CASTOR2: variants seen among roughly 807,000 people sequenced by gnomAD.
CASTOR2 encodes cytosolic arginine sensor for mTORC1 subunit 2.
In CASTOR2, 8 loss-of-function variants were observed where a neutral mutation model predicts 31.2. The ratio of observed to expected loss-of-function variants is 0.26; its 90% CI spans 0.15 to 0.46. CASTOR2 has a LOEUF of 0.46. Among genes scored for constraint, CASTOR2 ranks in the 20% least tolerant of loss-of-function variants. The pLI is 0.99. For synonymous variants in CASTOR2, 162 were observed against 158.7 expected (o/e 1.02, Z -0.16); for missense variants, 216 against 382.1 (o/e 0.57, Z 3.62).
In CASTOR2 at chr7:74,987,856, G is replaced by A. The variant is rs1415900404; in HGVS notation, c.114-20138G>A. Among the ~76,000 whole-genome samples, 8 of 151,808 alleles carry A rather than the reference G, an allele frequency of 5.3e-5. No homozygotes were observed. The East Asian group carries it at 1.2e-3, about 22-fold the overall frequency. ...CCTGAGTAGCTGGGATTATAGACAC[G>A]CACCACACAGCTGGCCAATTTTTGT... On this transcript the variant is annotated intron_variant, in intron 1 of 8. Transcript: ENST00000616305.
intron 5 of CASTOR2, among the ~76,000 whole-genome samples, 161 bp downstream of exon 5, chr7:75,019,256 C>CACCTCAGA (rs1185957339): frequency 2.0e-4 from 31 of 152,208 alleles, no homozygotes; most frequent in Admixed American, 3.3e-4. Context: ...GACATGGACC[C>CACCTCAGA]ACCCTGGAAC....
chr7:74,976,829 TC>T (rs1803821208), intron 1 of CASTOR2, among the ~76,000 whole-genome samples: 1 of 135,098 alleles, frequency 7.4e-6, no homozygotes, highest in Non-Finnish European at 1.6e-5. Context: ...CACCCCCAGG[TC>T]CATGTCCAGG....
At chr7:75,007,119 G>A (rs2001264) in intron 1 of CASTOR2, among the ~76,000 whole-genome samples, 82,267 of 151,902 alleles carry the variant, frequency 0.54, 25,388 homozygotes, top group East Asian at 0.91. Flanking sequence ...TGCACACTTG[G>A]ACTTGCCATC....
intron 6 of CASTOR2, among the ~76,000 whole-genome samples, chr7:75,020,833 G>T (rs1292634185): frequency 6.6e-6 from 1 of 151,794 alleles, no homozygotes; most frequent in Non-Finnish European, 1.5e-5. Context: ...ATCTCTCTCT[G>T]TCACCCATGC....
rs879121750 is a variant in CASTOR2 at position 75,026,189 on chromosome 7, G to GTTTTTTTTTTTTTTTTTTTTTTTTTTT, written c.*1507_*1508insTTTTTTTTTTTTTTTTTTTTTTTTTTT. On this transcript the variant is annotated 3_prime_UTR_variant, in exon 9 of 9. Coordinates refer to ENST00000616305, the MANE Select transcript of CASTOR2 (RefSeq NM_001145064.3). ...CCCTGTGGTTTTGGCTCTGGCGGGG[G>GTTTTTTTTTTTTTTTTTTTTTTTTTTT]TTTTTTTTTTTTTTTTTGAGATGGG... Among the ~76,000 whole-genome samples, 8 of 117,710 alleles carry GTTTTTTTTTTTTTTTTTTTTTTTTTTT rather than the reference G, an allele frequency of 6.8e-5. 1 individual carries two copies. Among genetic ancestry groups the GTTTTTTTTTTTTTTTTTTTTTTTTTTT allele is most frequent in the African/African-American group, 9.7e-5 (3 of 30,794 alleles). 77.2% of individuals were successfully genotyped at this position (117,710 alleles called of 152,430 possible).
At chr7:75,008,866 C>T (rs1162484221) in intron 2 of CASTOR2, among the ~76,000 whole-genome samples, 2 of 152,126 alleles carry the variant, frequency 1.3e-5, no homozygotes, top group African/African-American at 2.4e-5. Context: ...GGGAGGATTG[C>T]TTAAACCCAG....
At chr7:74,988,277 C>T (rs1221588328) in intron 1 of CASTOR2, among the ~76,000 whole-genome samples, 4 of 150,934 alleles carry the variant, frequency 2.7e-5, no homozygotes, top group Admixed American at 6.6e-5. Flanking sequence ...TACAAGTGCC[C>T]GCCACCACAC....
intron 1 of CASTOR2, among the ~76,000 whole-genome samples, chr7:74,986,331 C>CA (rs1804064989): frequency 6.6e-6 from 1 of 151,146 alleles, no homozygotes. Flanking sequence ...ACTAAAAATA[C>CA]AAAAAAAGAA....
At chr7:75,003,611 G>A (rs1408541659) in intron 1 of CASTOR2, among the ~76,000 whole-genome samples, 3 of 152,082 alleles carry the variant, frequency 2.0e-5, no homozygotes, top group Middle Eastern at 3.4e-3. Context: ...TTAGTTGGGC[G>A]TGGTGGCGTG....
intron 7 of CASTOR2, among the ~76,000 whole-genome samples, 161 bp from the exon 8 acceptor site, chr7:75,024,279 G>T (rs889514946): frequency 6.6e-6 from 1 of 152,102 alleles, no homozygotes; most frequent in African/African-American, 2.4e-5. Flanking sequence ...GATGGAGCGA[G>T]ACTCCATCTC....
At position 75,030,170 on chromosome 7, in the gene CASTOR2, G is replaced by A. The variant is rs986326235; in HGVS notation, c.*5471G>A. 6.6e-6 allele frequency among the ~76,000 whole-genome samples: 1 copy of A among 152,254 alleles called. No individual in the cohort carries two copies. The highest frequency in any genetic ancestry group is 1.5e-5 in the Non-Finnish European group (1 of 68,046). ...GGAAATTGGAAGTGCAGGGTGGCCT[G>A]TGTGCTAGGAGTGGGGGTGCAGGCC... is the stretch of plus-strand genomic sequence containing the variant. On this transcript the variant is annotated 3_prime_UTR_variant, in exon 9 of 9. Coordinates refer to ENST00000616305, the MANE Select transcript of CASTOR2 (RefSeq NM_001145064.3).
chr7:74,983,441 T>C lies in CASTOR2; in HGVS notation c.113+18343T>C, dbSNP rs1455781572. Reference sequence around the variant, plus strand: ...TCCCCACCCAGCCCGTCAGTCCAAATTAGCCTGGTTTAACTGCGTTTGTCA... The same window carrying C: ...TCCCCACCCAGCCCGTCAGTCCAAACTAGCCTGGTTTAACTGCGTTTGTCA... On this transcript the variant is annotated intron_variant, in intron 1 of 8. Transcript: ENST00000616305. Among the ~76,000 whole-genome samples, 4 of 146,764 alleles carry C rather than the reference T, an allele frequency of 2.7e-5. No homozygotes were observed. The Admixed American group carries it at 2.7e-4, about 10-fold the overall frequency.
chr7:74,973,444 G>T (rs1554435324), intron 1 of CASTOR2, among the ~76,000 whole-genome samples: 1 of 102,820 alleles, frequency 9.7e-6, no homozygotes, highest in Non-Finnish European at 1.9e-5. Flanking sequence ...AGGTTCAAGC[G>T]ATTCTCCTGC....
At chr7:74,992,461 A>G (rs1438792246) in intron 1 of CASTOR2, among the ~76,000 whole-genome samples, 2 of 151,910 alleles carry the variant, frequency 1.3e-5, no homozygotes, top group South Asian at 4.2e-4. Flanking sequence ...TTTTTTTAAG[A>G]CGGAGTCTTG....
chr7:75,014,436 A>C (rs1214430735), intron 2 of CASTOR2, among the ~76,000 whole-genome samples: 4 of 151,232 alleles, frequency 2.6e-5, no homozygotes, highest in Admixed American at 1.3e-4. Context: ...AAAAAAAAAA[A>C]AAAAGTAGAG....
intron 6 of CASTOR2, among the ~76,000 whole-genome samples, chr7:75,020,906 CAT>C (rs1384328299): frequency 2.0e-5 from 3 of 152,138 alleles, no homozygotes; most frequent in Non-Finnish European, 2.9e-5. Flanking sequence ...AAGTGATCCA[CAT>C]GTCTCAGCCT....
At chr7:75,012,851 C>G (rs1804785163) in intron 2 of CASTOR2, among the ~76,000 whole-genome samples, 1 of 152,094 alleles carries the variant, frequency 6.6e-6, no homozygotes, top group Admixed American at 6.6e-5. Flanking sequence ...GTTGGCCAGG[C>G]TGGTCTCGAA....
At chr7:74,987,623 A>G (rs1804102767) in intron 1 of CASTOR2, among the ~76,000 whole-genome samples, 1 of 152,186 alleles carries the variant, frequency 6.6e-6, no homozygotes, top group South Asian at 2.1e-4. Flanking sequence ...GGGCTTGTTC[A>G]TCACCCCCGT....
intron 1 of CASTOR2, among the ~76,000 whole-genome samples, chr7:74,997,013 G>T (rs1432205210): frequency 6.7e-6 from 1 of 149,726 alleles, no homozygotes; most frequent in South Asian, 2.1e-4. Flanking sequence ...GGGATTACAG[G>T]CATGAGCCAC....
Sources: gnomAD v4.1 joint callset for allele counts (sites outside exome capture counted in the v4.1 genomes callset) on GRCh38, gnomAD v4.1.1 for gene constraint, MANE v1.5 for transcripts, NCBI Gene and HGNC (gene_info 2026-07-23, HGNC 2026-07-21) for gene names.